EXT1: variants seen among roughly 807,000 people sequenced by gnomAD.
EXT1 encodes exostosin-1.
In EXT1, 20 loss-of-function variants were observed where a neutral mutation model predicts 82.5. The observed-to-expected ratio is 0.24, with a 90% CI of 0.17 to 0.35. The LOEUF (loss-of-function observed/expected upper bound fraction) is 0.35, where lower values mean the gene tolerates loss of function less well. Ranked by LOEUF, EXT1 falls within the 10% of genes least tolerant of loss-of-function variation. EXT1 has a pLI of 1.00. For synonymous variants in EXT1, 348 were observed against 350.8 expected, an observed-to-expected ratio of 0.99 and a Z score of 0.09; for missense variants, 757 against 936.5, an observed-to-expected ratio of 0.81 and a Z score of 2.50.
chr8:117,975,476 C>T (rs910268156), intron 1 of EXT1, among the ~76,000 whole-genome samples: 1 of 151,974 alleles, frequency 6.6e-6, no homozygotes, highest in African/African-American at 2.4e-5. Context: ...GCAAAGCCCT[C>T]ACCCTCACTC....
At chr8:117,831,362 A>G (rs1237129402) in intron 3 of EXT1, among the ~76,000 whole-genome samples, 1 of 152,224 alleles carries the variant, frequency 6.6e-6, no homozygotes, top group Non-Finnish European at 1.5e-5. Context: ...TTAATGTAAC[A>G]TCACTACTAT....
intron 1 of EXT1, among the ~76,000 whole-genome samples, chr8:117,878,751 A>C (rs1316042904): frequency 6.6e-6 from 1 of 152,242 alleles, no homozygotes; most frequent in Non-Finnish European, 1.5e-5. Flanking sequence ...CCAGGTTTAG[A>C]ATCTTCCAGT....
intron 1 of EXT1, among the ~76,000 whole-genome samples, chr8:118,060,571 C>T (rs193130223): frequency 6.6e-6 from 1 of 152,268 alleles, no homozygotes; most frequent in Admixed American, 6.5e-5. Context: ...CTTAGAGGAT[C>T]AAGGAGGTTC....
At chr8:117,899,030 C>CA (rs1225933775) in intron 1 of EXT1, among the ~76,000 whole-genome samples, 1 of 151,920 alleles carries the variant, frequency 6.6e-6, no homozygotes. Flanking sequence ...TCACTACTTC[C>CA]AAAAGAAAAA....
At chr8:117,843,210 C>T (rs980999268) in intron 1 of EXT1, among the ~76,000 whole-genome samples, 17 of 152,308 alleles carry the variant, frequency 1.1e-4, no homozygotes, top group African/African-American at 3.8e-4. Context: ...CCTCCTTGCG[C>T]CTTTTTCATT....
chr8:117,880,735 C>A (rs745823143), intron 1 of EXT1, among the ~76,000 whole-genome samples: 71 of 151,798 alleles, frequency 4.7e-4, no homozygotes, highest in Non-Finnish European at 8.1e-4. Flanking sequence ...GGACTACAGG[C>A]GCCCGCCACC....
rs572330931 is a variant in EXT1, at chr8:117,815,904, T to A, written c.1632+2531A>T. ...GATATCATGCCATTGCACTCCAGCC[T>A]GGACAGGCAACAAGAGCGAAACTCT... is the stretch of plus-strand genomic sequence containing the variant. On this transcript the variant is annotated intron_variant, in intron 7 of 10. Coordinates refer to ENST00000378204, the MANE Select transcript of EXT1 (RefSeq NM_000127.3). 5.7e-5 allele frequency among the ~76,000 whole-genome samples: 8 copies of A among 139,538 alleles called. No individual in the cohort carries two copies. The East Asian group carries it at 1.7e-3, about 29-fold the overall frequency. 91.5% of individuals were successfully genotyped at this position (139,538 alleles called of 152,430 possible).
intron 1 of EXT1, among the ~76,000 whole-genome samples, chr8:117,897,036 A>G (rs373933799): frequency 6.6e-6 from 1 of 152,210 alleles, no homozygotes; most frequent in East Asian, 1.9e-4. Flanking sequence ...TATTCTGTCC[A>G]TGGAATTTCC....
rs548012842 is a variant in EXT1 at position 117,986,620 on chromosome 8, A to G, written c.962+123465T>C. 2.0e-5 allele frequency among the ~76,000 whole-genome samples: 3 copies of G among 152,334 alleles called. No homozygotes were observed. The East Asian group carries it at 5.8e-4, about 29-fold the overall frequency. On this transcript the variant is annotated intron_variant, in intron 1 of 10. Coordinates refer to ENST00000378204, the MANE Select transcript of EXT1 (RefSeq NM_000127.3). ...GTGTATTCAATACCCAGCTTTCAAT[A>G]AAGAGAGGAACTTCAAATTAACAAT...
At chr8:117,898,707 A>G (rs578011696) in intron 1 of EXT1, among the ~76,000 whole-genome samples, 12 of 151,252 alleles carry the variant, frequency 7.9e-5, no homozygotes, top group Admixed American at 2.0e-4. Flanking sequence ...GGATGTAAGG[A>G]AAAAAAAACA....
chr8:117,986,935 G>T (rs1379963808), intron 1 of EXT1, among the ~76,000 whole-genome samples: 1 of 152,158 alleles, frequency 6.6e-6, no homozygotes, highest in Admixed American at 6.5e-5. Context: ...TGAAATTAAT[G>T]CAAACCAAAC....
At chr8:117,910,624 T>C (rs1813628246) in intron 1 of EXT1, among the ~76,000 whole-genome samples, 1 of 152,136 alleles carries the variant, frequency 6.6e-6, no homozygotes, top group African/African-American at 2.4e-5. Flanking sequence ...GGAAAGGAAA[T>C]TAAATGAACA....
chr8:117,922,505 T>TATGACAGTC (rs1269885539), intron 1 of EXT1, among the ~76,000 whole-genome samples: 1 of 152,186 alleles, frequency 6.6e-6, no homozygotes, highest in African/African-American at 2.4e-5. Flanking sequence ...ACATGAAAGT[T>TATGACAGTC]ATGACAGTCA....
intron 10 of EXT1, among the ~76,000 whole-genome samples, chr8:117,802,238 G>A (rs562759463): frequency 6.6e-6 from 1 of 152,246 alleles, no homozygotes; most frequent in Non-Finnish European, 1.5e-5. Context: ...TATGAAAATA[G>A]CACAAATCCA....
At chr8:117,875,769 A>G (rs1207662735) in intron 1 of EXT1, among the ~76,000 whole-genome samples, 1 of 152,142 alleles carries the variant, frequency 6.6e-6, no homozygotes, top group Non-Finnish European at 1.5e-5. Flanking sequence ...GAAAAGCTGA[A>G]AAAACATAGA....
At chr8:117,922,685 A>C (rs1283248103) in intron 1 of EXT1, among the ~76,000 whole-genome samples, 1 of 152,174 alleles carries the variant, frequency 6.6e-6, no homozygotes, top group Non-Finnish European at 1.5e-5. Flanking sequence ...AAATTAGCCA[A>C]TCAGATGCAG....
intron 1 of EXT1, among the ~76,000 whole-genome samples, chr8:117,847,997 AG>A (rs1253255008): frequency 6.6e-6 from 1 of 152,174 alleles, no homozygotes; most frequent in East Asian, 1.9e-4. Flanking sequence ...TGACTTTGAC[AG>A]TCAGGGCTGC....
At chr8:117,904,541 G>C (rs539158229) in intron 1 of EXT1, among the ~76,000 whole-genome samples, 1 of 151,996 alleles carries the variant, frequency 6.6e-6, no homozygotes, top group Admixed American at 6.6e-5. Flanking sequence ...CATAGGAGCC[G>C]GTACTTTGTA....
At chr8:117,799,983 G>T in intron 10 of EXT1, 86 bp from the exon 11 acceptor site, 1 of 1,423,760 alleles carries the variant, frequency 7.0e-7, no homozygotes, top group South Asian at 1.2e-5. Flanking sequence ...TCAGGCAAAT[G>T]AGCAAGCAGC....
Sources: gnomAD v4.1 joint callset for allele counts (sites outside exome capture counted in the v4.1 genomes callset) on GRCh38, gnomAD v4.1.1 for gene constraint, MANE v1.5 for transcripts, NCBI Gene and HGNC (gene_info 2026-07-23, HGNC 2026-07-21) for gene names.